Variants in FBXL7 observed in about 807,000 individuals in gnomAD.
FBXL7 encodes F-box and leucine rich repeat protein 7.
In FBXL7, 12 loss-of-function variants were observed where a neutral mutation model predicts 38.3. The observed-to-expected ratio is 0.31, with a 90% CI of 0.20 to 0.51. The LOEUF (loss-of-function observed/expected upper bound fraction) is 0.51. Among genes scored for constraint, FBXL7 ranks in the 20% least tolerant of loss-of-function variants. The pLI is 0.98. For synonymous variants in FBXL7, 297 were observed against 300.9 expected, an observed-to-expected ratio of 0.99 and a Z score of 0.13; for missense variants, 567 against 676.4, an observed-to-expected ratio of 0.84 and a Z score of 1.79.
intron 2 of FBXL7, among the ~76,000 whole-genome samples, chr5:15,635,386 G>A (rs1057130479): frequency 2.0e-4 from 31 of 152,146 alleles, no homozygotes; most frequent in African/African-American, 7.0e-4. Flanking sequence ...CTAAGAGACC[G>A]AAAGTGGAAG....
At chr5:15,929,119 T>C (rs1288138825) in intron 3 of FBXL7, among the ~76,000 whole-genome samples, 1 of 152,200 alleles carries the variant, frequency 6.6e-6, no homozygotes, top group Non-Finnish European at 1.5e-5. Context: ...TGTGTTTTCG[T>C]ACCACGGGCC....
intron 2 of FBXL7, among the ~76,000 whole-genome samples, chr5:15,775,382 T>TAA (rs1318380939): frequency 1.4e-5 from 2 of 145,910 alleles, no homozygotes; most frequent in Non-Finnish European, 3.1e-5. Flanking sequence ...TACCCCACCA[T>TAA]ATACACACAC....
chr5:15,768,327 C>T (rs1316729908), intron 2 of FBXL7, among the ~76,000 whole-genome samples: 1 of 151,972 alleles, frequency 6.6e-6, no homozygotes, highest in East Asian at 1.9e-4. Flanking sequence ...GTCAGGAGAT[C>T]GAGACCATCC....
At chr5:15,514,541 A>C (rs1464053348) in intron 1 of FBXL7, among the ~76,000 whole-genome samples, 1 of 152,236 alleles carries the variant, frequency 6.6e-6, no homozygotes, top group South Asian at 2.1e-4. Flanking sequence ...CAAAGAAAAC[A>C]GCTTTGCTAA....
intron 2 of FBXL7, among the ~76,000 whole-genome samples, chr5:15,845,828 G>A (rs777173444): frequency 6.6e-5 from 10 of 152,036 alleles, no homozygotes; most frequent in Non-Finnish European, 1.2e-4. Context: ...AAAATTAGCC[G>A]GGCGTGGTGG....
chr5:15,571,127 A>G (rs1350527927), intron 1 of FBXL7, among the ~76,000 whole-genome samples: 1 of 152,006 alleles, frequency 6.6e-6, no homozygotes, highest in Non-Finnish European at 1.5e-5. Flanking sequence ...AGAAACTTTA[A>G]AATGTCAATG....
chr5:15,852,982 G>A (rs1037921826), intron 2 of FBXL7, among the ~76,000 whole-genome samples: 1 of 152,136 alleles, frequency 6.6e-6, no homozygotes, highest in Admixed American at 6.5e-5. Context: ...ACTCATGGAG[G>A]GCTGACTATT....
At chr5:15,869,816 AAAT>A (rs200229474) in intron 2 of FBXL7, among the ~76,000 whole-genome samples, 1 of 152,000 alleles carries the variant, frequency 6.6e-6, no homozygotes. Flanking sequence ...GGAATCATCA[AAAT>A]AATAATTAAG....
chr5:15,734,327 G>A (rs770122842), intron 2 of FBXL7, among the ~76,000 whole-genome samples: 18 of 152,190 alleles, frequency 1.2e-4, no homozygotes, highest in Non-Finnish European at 2.4e-4. Context: ...CCTCAGTGAG[G>A]CACATACTGC....
chr5:15,820,860 A>T (rs148719063), intron 2 of FBXL7, among the ~76,000 whole-genome samples: 1 of 152,082 alleles, frequency 6.6e-6, no homozygotes, highest in African/African-American at 2.4e-5. Flanking sequence ...GGCTACACTC[A>T]TCCCACACCC....
At chr5:15,731,028 T>C (rs1735569671) in intron 2 of FBXL7, among the ~76,000 whole-genome samples, 1 of 152,198 alleles carries the variant, frequency 6.6e-6, no homozygotes, top group Non-Finnish European at 1.5e-5. Flanking sequence ...GAGCATCCTA[T>C]TTTTACTGCA....
At chr5:15,624,316 G>GC (rs1740739325) in intron 2 of FBXL7, among the ~76,000 whole-genome samples, 1 of 152,150 alleles carries the variant, frequency 6.6e-6, no homozygotes, top group Non-Finnish European at 1.5e-5. Flanking sequence ...TTACCTTTAT[G>GC]CCCTCTCTCA....
intron 2 of FBXL7, among the ~76,000 whole-genome samples, chr5:15,726,784 A>T (rs937136955): frequency 2.6e-5 from 4 of 152,116 alleles, no homozygotes; most frequent in African/African-American, 7.2e-5. Flanking sequence ...GTCCATTCTT[A>T]TAATCTGTTT....
chr5:15,639,432 G>A (rs1561064298), intron 2 of FBXL7, among the ~76,000 whole-genome samples: 1 of 152,038 alleles, frequency 6.6e-6, no homozygotes, highest in Non-Finnish European at 1.5e-5. Context: ...AGATCTGATG[G>A]TTATATCAGA....
intron 2 of FBXL7, among the ~76,000 whole-genome samples, chr5:15,884,903 C>T (rs1244152192): frequency 6.6e-6 from 1 of 152,132 alleles, no homozygotes; most frequent in Non-Finnish European, 1.5e-5. Flanking sequence ...TTTAAAAACC[C>T]AAAGTCTTCC....
chr5:15,782,333 G>T (rs1737018707), intron 2 of FBXL7, among the ~76,000 whole-genome samples: 1 of 152,126 alleles, frequency 6.6e-6, no homozygotes, highest in African/African-American at 2.4e-5. Context: ...AATCCTTTGG[G>T]TATATACCCA....
intron 2 of FBXL7, among the ~76,000 whole-genome samples, chr5:15,724,930 A>G (rs1209147058): frequency 2.0e-5 from 3 of 152,168 alleles, no homozygotes; most frequent in African/African-American, 7.2e-5. Context: ...GACAGCAGCC[A>G]TTTAGTATAT....
chr5:15,773,998 TA>T, intron 2 of FBXL7, among the ~76,000 whole-genome samples: 1 of 152,280 alleles, frequency 6.6e-6, no homozygotes, highest in East Asian at 1.9e-4. Flanking sequence ...TTACATTTTT[TA>T]TTACTGCTGT....
intron 1 of FBXL7, among the ~76,000 whole-genome samples, chr5:15,520,197 C>A (rs1327790113): frequency 6.6e-6 from 1 of 152,146 alleles, no homozygotes; most frequent in Non-Finnish European, 1.5e-5. Context: ...TTTACTGCAA[C>A]CTATTTTATC....
Sources: allele counts gnomAD v4.1 joint callset (sites outside exome capture counted in the v4.1 genomes callset), GRCh38; gene constraint gnomAD v4.1.1; transcripts MANE v1.5; gene names NCBI Gene and HGNC (gene_info 2026-07-23, HGNC 2026-07-21).